CTIF: variants seen among roughly 807,000 people sequenced by gnomAD.
CTIF encodes CBP80/20-dependent translation initiation factor.
A neutral mutation model predicts 66.0 loss-of-function variants in CTIF; 21 were observed. That is an observed-to-expected ratio of 0.32 (90% confidence interval 0.23 to 0.46). The LOEUF is 0.46. Among genes scored for constraint, CTIF ranks in the 20% least tolerant of loss-of-function variants. The pLI is 1.00. For missense variants in CTIF, 739 were observed against 812.7 expected (o/e 0.91, Z 1.10); for synonymous variants, 345 against 326.4 (o/e 1.06, Z -0.62).
chr18:48,791,770 A>T (rs2067798759), intron 9 of CTIF, among the ~76,000 whole-genome samples: 1 of 151,924 alleles, frequency 6.6e-6, no homozygotes, highest in Non-Finnish European at 1.5e-5. Context: ...TCCCAGATTA[A>T]TCTCTCTCTC....
chr18:48,694,202 C>T (rs902001751), intron 6 of CTIF, among the ~76,000 whole-genome samples: 3 of 152,176 alleles, frequency 2.0e-5, no homozygotes, highest in African/African-American at 4.8e-5. Flanking sequence ...GGCTGTGAGT[C>T]GGGGGCTTGG....
intron 9 of CTIF, among the ~76,000 whole-genome samples, chr18:48,808,592 T>C (rs1046000997): frequency 2.0e-5 from 3 of 151,842 alleles, no homozygotes; most frequent in African/African-American, 7.3e-5. Context: ...GAAGTAAGAT[T>C]CTAAATTATT....
At chr18:48,547,965 A>G (rs1157845374) in intron 1 of CTIF, among the ~76,000 whole-genome samples, 5 of 152,168 alleles carry the variant, frequency 3.3e-5, no homozygotes, top group Admixed American at 6.5e-5. Flanking sequence ...GTAACTTGGG[A>G]ATCCCATGCA....
chr18:48,740,481 C>A (rs1264969453), intron 7 of CTIF, among the ~76,000 whole-genome samples: 1 of 152,252 alleles, frequency 6.6e-6, no homozygotes, highest in African/African-American at 2.4e-5. Flanking sequence ...GCCTTCCCTG[C>A]TGGACTGTCC....
At chr18:48,599,138 G>C (rs2090042513) in intron 1 of CTIF, among the ~76,000 whole-genome samples, 1 of 152,182 alleles carries the variant, frequency 6.6e-6, no homozygotes. Context: ...CTGGCGAACT[G>C]TAAAGCAGTG....
At chr18:48,652,278 G>C (rs553488403) in intron 3 of CTIF, among the ~76,000 whole-genome samples, 1 of 152,174 alleles carries the variant, frequency 6.6e-6, no homozygotes, top group East Asian at 1.9e-4. Context: ...TCAAATAGAT[G>C]CAATAAAAAA....
At chr18:48,550,361 A>G (rs183991292) in intron 1 of CTIF, among the ~76,000 whole-genome samples, 69 of 152,200 alleles carry the variant, frequency 4.5e-4, no homozygotes, top group Admixed American at 1.4e-3. Context: ...GGTTGGGGAG[A>G]GGAATTGGTG....
At chr18:48,559,414 T>A (rs542902023) in intron 1 of CTIF, among the ~76,000 whole-genome samples, 2 of 152,340 alleles carry the variant, frequency 1.3e-5, no homozygotes, top group Non-Finnish European at 2.9e-5. Context: ...TGGAAGCAGA[T>A]AGCTTGGTGG....
chr18:48,692,804 C>A (rs2091949672), intron 6 of CTIF: 1 of 152,200 alleles, frequency 6.6e-6, no homozygotes, highest in African/African-American at 2.4e-5. Context: ...GTCTTCCATC[C>A]CTAGACACTC....
chr18:48,599,123 A>G (rs2090042187), intron 1 of CTIF, among the ~76,000 whole-genome samples: 1 of 152,114 alleles, frequency 6.6e-6, no homozygotes, highest in South Asian at 2.1e-4. Context: ...GGGTGTTGGA[A>G]AGGCCTGGCG....
chr18:48,540,970 C>G (rs1450111292), intron 1 of CTIF, among the ~76,000 whole-genome samples: 3 of 152,124 alleles, frequency 2.0e-5, no homozygotes, highest in Non-Finnish European at 4.4e-5. Flanking sequence ...CGGAGTCACA[C>G]AGCCCCTCCC....
intron 7 of CTIF, among the ~76,000 whole-genome samples, chr18:48,722,301 G>T (rs560492117): frequency 2.7e-5 from 4 of 145,580 alleles, no homozygotes; most frequent in African/African-American, 1.0e-4. Context: ...CGACAGCCTC[G>T]ACCTGCTGGG....
intron 7 of CTIF, among the ~76,000 whole-genome samples, chr18:48,721,761 C>T (rs1368235879): frequency 6.9e-6 from 1 of 145,728 alleles, no homozygotes; most frequent in Non-Finnish European, 1.5e-5. Context: ...CCCCCCCTCT[C>T]TGTCCTGACA....
At chr18:48,626,099 G>T (rs1459033245) in intron 2 of CTIF, among the ~76,000 whole-genome samples, 1 of 147,102 alleles carries the variant, frequency 6.8e-6, no homozygotes, top group African/African-American at 2.5e-5. Flanking sequence ...CCCACCGCAG[G>T]TTCAAGCAAC....
intron 9 of CTIF, among the ~76,000 whole-genome samples, chr18:48,788,319 G>A (rs566262500): frequency 6.6e-6 from 1 of 152,272 alleles, no homozygotes; most frequent in South Asian, 2.1e-4. Flanking sequence ...AAACACAATT[G>A]GGGTGCCCCA....
intron 5 of CTIF, among the ~76,000 whole-genome samples, chr18:48,664,758 C>T (rs1764585408): frequency 6.6e-6 from 1 of 152,110 alleles, no homozygotes; most frequent in African/African-American, 2.4e-5. Flanking sequence ...TCTAGCCATG[C>T]CATCCCCACC....
At chr18:48,822,919 T>C (rs551508978) in intron 10 of CTIF, among the ~76,000 whole-genome samples, 11 of 152,344 alleles carry the variant, frequency 7.2e-5, no homozygotes, top group African/African-American at 2.6e-4. Flanking sequence ...TTAATGACAT[T>C]GAGCATCTTT....
chr18:48,763,606 A>G (rs1909228200), intron 9 of CTIF, among the ~76,000 whole-genome samples: 1 of 152,268 alleles, frequency 6.6e-6, no homozygotes, highest in Non-Finnish European at 1.5e-5. Flanking sequence ...TTTGGCAAAC[A>G]CTACAGCAGG....
At chr18:48,813,462 C>T (rs2068302117) in intron 9 of CTIF, among the ~76,000 whole-genome samples, 2 of 152,058 alleles carry the variant, frequency 1.3e-5, no homozygotes, top group Admixed American at 6.5e-5. Flanking sequence ...TATTGCTCTG[C>T]GCCTCCCTCA....
Sources: gnomAD v4.1 joint callset for allele counts (sites outside exome capture counted in the v4.1 genomes callset) on GRCh38, gnomAD v4.1.1 for gene constraint, MANE v1.5 for transcripts, NCBI Gene and HGNC (gene_info 2026-07-23, HGNC 2026-07-21) for gene names.